Variants in PLCG2 observed in about 807,000 individuals in gnomAD.
PLCG2 encodes the protein phospholipase C gamma 2.
In PLCG2, 69 loss-of-function variants were observed where a neutral mutation model predicts 175.6. That is an observed-to-expected ratio of 0.39 (90% CI 0.32 to 0.48). The LOEUF (loss-of-function observed/expected upper bound fraction) is 0.48. PLCG2 is among the 20% of genes least tolerant of loss of function. The pLI, the probability that PLCG2 is intolerant of heterozygous loss-of-function variation, is 0.91. For missense variants in PLCG2, 1,798 were observed against 1,650.9 expected (o/e 1.09, Z -1.54); for synonymous variants, 827 against 624.0 (o/e 1.33, Z -4.85).
At chr16:81,954,965 A>T (rs1597156033) in intron 31 of PLCG2, among the ~76,000 whole-genome samples, 1 of 152,158 alleles carries the variant, frequency 6.6e-6, no homozygotes, top group Non-Finnish European at 1.5e-5. Flanking sequence ...GACAGTGTAA[A>T]AGTGTTCCTA....
At chr16:81,901,945 A>G (rs1909170034) in intron 14 of PLCG2, among the ~76,000 whole-genome samples, 1 of 152,214 alleles carries the variant, frequency 6.6e-6, no homozygotes, top group Non-Finnish European at 1.5e-5. Context: ...AGCTTTCCCC[A>G]GATTTTGAAG....
At position 81,842,675 on chromosome 16, in the gene PLCG2, G is replaced by C. The variant is rs527609335; in HGVS notation, c.194-11769G>C. 7.5e-4 allele frequency: 115 copies of C among 152,464 alleles called. No homozygotes were observed. The Middle Eastern group carries it at 0.014, about 18-fold the overall frequency. The allele number at this position is 152,464 out of a possible 1,614,324, so 9.4% of individuals were successfully genotyped here. ...AAAAGCCATGTTCCTGGTGTCAGGG[G>C]TGGGAGGACGTTCCGTGGGTGCAGG... On this transcript the variant is annotated intron_variant, in intron 2 of 32. Coordinates refer to ENST00000564138, the MANE Select transcript of PLCG2 (RefSeq NM_002661.5).
chr16:81,815,941 A>T (rs183872111), intron 2 of PLCG2, among the ~76,000 whole-genome samples: 1 of 151,952 alleles, frequency 6.6e-6, no homozygotes, highest in Non-Finnish European at 1.5e-5. Flanking sequence ...TTGCGCCTGT[A>T]ATCCTGGCTA....
Position 81,900,896 on chromosome 16 carries a change from G to A in PLCG2, c.1362+116G>A, listed in dbSNP as rs966969815. ...TACTGGGCCTGCTCCAGGTCCCACT[G>A]CACAGGCTCAAATCTGCTCTCCTTA... On this transcript the variant is annotated intron_variant, in intron 14 of 32. Coordinates refer to ENST00000564138, the MANE Select transcript of PLCG2 (RefSeq NM_002661.5). 9.2e-6 allele frequency: 8 copies of A among 867,350 alleles called. No homozygotes were observed. In the Admixed American group the frequency reaches 1.6e-4, roughly 18 times the overall value. 53.7% of individuals were successfully genotyped at this position (867,350 alleles called of 1,614,324 possible). A position where few individuals can be genotyped will look rare whatever the true frequency, so the allele number is the denominator to read the frequency against.
intron 3 of PLCG2, among the ~76,000 whole-genome samples, chr16:81,857,637 TC>T (rs1906751929): frequency 1.2e-5 from 1 of 84,416 alleles, no homozygotes; most frequent in Non-Finnish European, 3.2e-5. Flanking sequence ...CTCTAGTCTC[TC>T]TTTCTCTTCT....
chr16:81,912,736 G>T lies in PLCG2; in HGVS notation c.2054+20G>T, dbSNP rs749195185. ...CTTCAGGTGGGTGCGAGGGTGGGAG[G>T]CACATGCTCTACAGAGGGGCTTGGC... is the stretch of plus-strand genomic sequence containing the variant. On this transcript the variant is annotated intron_variant, in intron 19 of 32. Transcript: ENST00000564138. 13 of 1,580,344 alleles carry T rather than the reference G, an allele frequency of 8.2e-6. No homozygotes were observed. The highest frequency in any genetic ancestry group is 3.6e-5 in the South Asian group (3 of 84,436).
chr16:81,858,398 C>A, intron 4 of PLCG2, 42 bp downstream of exon 4: 1 of 1,326,234 alleles, frequency 7.5e-7, no homozygotes, highest in Non-Finnish European at 1.1e-6. Flanking sequence ...TTGCTGATTC[C>A]TTTATTCTGC....
intron 2 of PLCG2, among the ~76,000 whole-genome samples, chr16:81,802,093 C>CTTTTTTTTTTTTTCTTTTTTTTTTTT (rs1911748670): frequency 2.5e-5 from 1 of 40,016 alleles, no homozygotes; most frequent in East Asian, 1.3e-3. Context: ...TGAGTACAGT[C>CTTTTTTTTTTTTTCTTTTTTTTTTTT]TTTTTTTTTT....
chr16:81,880,820 A>AAG, intron 7 of PLCG2, 90 bp from the exon 8 acceptor site: 1 of 1,167,322 alleles, frequency 8.6e-7, no homozygotes, highest in South Asian at 1.3e-5. Context: ...ATCTGACAAA[A>AAG]TGATGCTTTT....
At chr16:81,921,034 A>AGCTT (rs1203689094) in intron 20 of PLCG2, among the ~76,000 whole-genome samples, 164 bp from the exon 21 acceptor site, 3 of 152,140 alleles carry the variant, frequency 2.0e-5, no homozygotes, top group African/African-American at 4.8e-5. Flanking sequence ...CCTTCTTTAT[A>AGCTT]GCTTCTTCCT....
chr16:81,891,020 T>A (rs754065695), intron 10 of PLCG2, among the ~76,000 whole-genome samples: 2 of 151,912 alleles, frequency 1.3e-5, no homozygotes, highest in Non-Finnish European at 2.9e-5. Context: ...AAAATTAGCC[T>A]GGTGTGGTGG....
chr16:81,874,014 C>T (rs546607048), intron 7 of PLCG2, among the ~76,000 whole-genome samples: 2 of 152,146 alleles, frequency 1.3e-5, no homozygotes, highest in African/African-American at 2.4e-5. Context: ...TAGATTGCCC[C>T]GTGTGGAACT....
intron 7 of PLCG2, among the ~76,000 whole-genome samples, chr16:81,878,158 A>AT (rs1030218595): frequency 7.3e-5 from 11 of 150,262 alleles, no homozygotes; most frequent in South Asian, 2.1e-4. Context: ...AATTTTTTGT[A>AT]TTTTTTTAGT....
intron 22 of PLCG2, among the ~76,000 whole-genome samples, chr16:81,924,110 A>G (rs1312585611): frequency 6.6e-6 from 1 of 152,242 alleles, no homozygotes; most frequent in Non-Finnish European, 1.5e-5. Context: ...CCTGAATTGA[A>G]GACAATACGT....
At chr16:81,879,574 T>C (rs1048235748) in intron 7 of PLCG2, among the ~76,000 whole-genome samples, 7 of 152,174 alleles carry the variant, frequency 4.6e-5, no homozygotes, top group African/African-American at 1.4e-4. Context: ...CATGACGTCC[T>C]GGGCTGCAAG....
intron 8 of PLCG2, among the ~76,000 whole-genome samples, chr16:81,882,724 C>CTTCTTGCTCACCCCACCTCA (rs1329676303): frequency 1.1e-4 from 16 of 152,050 alleles, no homozygotes; most frequent in South Asian, 6.3e-4. Context: ...TCTGCACCTC[C>CTTCTTGCTCACCCCACCTCA]TTCTTGCTCA....
chr16:81,772,994 G>C (rs974209098), intron 2 of PLCG2, among the ~76,000 whole-genome samples: 1 of 151,980 alleles, frequency 6.6e-6, no homozygotes, highest in Admixed American at 6.5e-5. Flanking sequence ...GCCGACAGCT[G>C]CCCTGTTTGG....
At chr16:81,740,590 C>T (rs1236702717) in intron 1 of PLCG2, 7 of 151,522 alleles carry the variant, frequency 4.6e-5, no homozygotes, top group African/African-American at 1.5e-4. Flanking sequence ...AAAAATTAGC[C>T]GGGTGTGGTG....
intron 2 of PLCG2, among the ~76,000 whole-genome samples, chr16:81,800,425 C>G (rs1202190603): frequency 6.6e-6 from 1 of 152,150 alleles, no homozygotes; most frequent in Non-Finnish European, 1.5e-5. Context: ...TCCATGTGTT[C>G]TCATTGATCA....
Sources: gnomAD v4.1 joint callset for allele counts (sites outside exome capture counted in the v4.1 genomes callset) on GRCh38, gnomAD v4.1.1 for gene constraint, MANE v1.5 for transcripts, NCBI Gene and HGNC (gene_info 2026-07-23, HGNC 2026-07-21) for gene names.